The following MMS19 variants were observed in gnomAD, a reference collection of about 807,000 sequenced individuals.
MMS19 encodes the protein MMS19 nucleotide excision repair protein homolog.
In MMS19, 77 loss-of-function variants were observed where a neutral mutation model predicts 129.8. The ratio of observed to expected loss-of-function variants is 0.59; its 90% CI spans 0.49 to 0.72. The LOEUF (loss-of-function observed/expected upper bound fraction) is 0.72, where lower values mean the gene tolerates loss of function less well. Among genes scored for constraint, MMS19 ranks in the 30% least tolerant of loss-of-function variants. The pLI is 0.00. For missense variants in MMS19, 1,168 were observed against 1,266.3 expected (o/e 0.92, Z 1.18); for synonymous variants, 491 against 502.8 (o/e 0.98, Z 0.31).
chr10:97,498,466 T>C (rs3750558), upstream of MMS19: 56 of 1,521,610 alleles, frequency 3.7e-5, no homozygotes, highest in Admixed American at 8.1e-5. Flanking sequence ...CGAGCCAATC[T>C]CCGGGGAAGC....
chr10:97,498,381 C>A lies in MMS19; in HGVS notation c.4G>T (p.Ala2Ser), dbSNP rs2040209732. 2 of 1,580,406 alleles carry A rather than the reference C, an allele frequency of 1.3e-6. No individual in the cohort carries two copies. The highest frequency in any genetic ancestry group is 1.7e-6 in the Non-Finnish European group (2 of 1,171,046). Reference protein sequence around the residue: MAAAAAVEAAAP... With the variant: MSAAAAVEAAAP... ...GCCGCCTCCACAGCCGCGGCAGCGG[C>A]CATAACGCGAACTAGAGACCGTGGG... Residue 2 changes from alanine (A) to serine (S), a missense_variant, in exon 1 of 31, where the codon GCC becomes TCC. Around this residue, in one of 3 missense-constraint regions of MMS19, gnomAD observed 329 missense variants for 328.6 expected, o/e 1.00. Coordinates refer to ENST00000438925, the MANE Select transcript of MMS19 (RefSeq NM_022362.5).
chr10:97,498,454 C>T (rs2040227098), upstream of MMS19: 2 of 1,531,838 alleles, frequency 1.3e-6, no homozygotes, highest in African/African-American at 2.8e-5. Flanking sequence ...GCATGCGCCT[C>T]CCGAGCCAAT....
intron 1 of MMS19, among the ~76,000 whole-genome samples, chr10:97,486,113 T>A (rs912690401): frequency 6.6e-6 from 1 of 152,216 alleles, no homozygotes; most frequent in Non-Finnish European, 1.5e-5. Context: ...ATGTGACGTG[T>A]GTGTACACAT....
Position 97,470,204 on chromosome 10 carries a change from CTG to C in MMS19, c.772-3_772-2del, listed in dbSNP as rs747364250. On this transcript the variant is annotated splice_acceptor_variant and splice_polypyrimidine_tract_variant and intron_variant, in intron 9 of 30. Transcript: ENST00000438925. LOFTEE classifies it high-confidence loss of function. Reference sequence around the variant, plus strand: ...TCTCAATCAACAGGGGCAGCAGAAACTGTGGGACAGAAGGAAGATCTTAAGCC... The same window carrying C: ...TCTCAATCAACAGGGGCAGCAGAAACTGGGACAGAAGGAAGATCTTAAGCC... 5.0e-6 allele frequency: 8 copies of C among 1,602,940 alleles called. No individual in the cohort carries two copies. Among genetic ancestry groups the C allele is most frequent in the Non-Finnish European group, 6.0e-6 (7 of 1,174,256 alleles).
chr10:97,494,297 TGAG>T, intron 1 of MMS19, among the ~76,000 whole-genome samples: 1 of 152,204 alleles, frequency 6.6e-6, no homozygotes. Flanking sequence ...GTGGGGGCAC[TGAG>T]AAGTCAAAGG....
chr10:97,498,412 A>T lies in MMS19; in HGVS notation c.-28T>A. On this transcript the variant is annotated 5_prime_UTR_variant, in exon 1 of 31. Transcript: ENST00000438925. ...CGCGAACTAGAGACCGTGGGAGGGG[A>T]TATGGGCGGTGGCTCGAGACGGGCT... The T allele has an allele frequency of 1.3e-6, 2 of 1,574,208 alleles. No homozygotes were observed. The highest frequency in any genetic ancestry group is 1.7e-6 in the Non-Finnish European group (2 of 1,168,578).
In MMS19 at chr10:97,465,848, C is replaced by T. The variant is rs2033359023; in HGVS notation, c.1713G>A (p.Glu571=). ...GATGCTGCAGCAGCAGAGGCAGTGT[C>T]TCCTTGACGATGCTGGGATGTGTTG... is the stretch of plus-strand genomic sequence containing the variant. ...AVSTHPSIVK[E]TLPLLLQHLW... Residue 571 remains glutamate, a synonymous_variant, in exon 18 of 31, where the codon GAG becomes GAA. Coordinates refer to ENST00000438925, the MANE Select transcript of MMS19 (RefSeq NM_022362.5). 13 of 1,613,910 alleles carry T rather than the reference C, an allele frequency of 8.1e-6. No individual in the cohort carries two copies. The East Asian group carries it at 2.9e-4, about 36-fold the overall frequency.
At chr10:97,483,390 C>G (rs2135464217) in intron 2 of MMS19, among the ~76,000 whole-genome samples, 1 of 152,198 alleles carries the variant, frequency 6.6e-6, no homozygotes, top group South Asian at 2.1e-4. Context: ...ACCAAGGCCA[C>G]CACAATGTGA....
upstream of MMS19, chr10:97,498,735 G>A: frequency 3.0e-6 from 1 of 330,008 alleles, no homozygotes; most frequent in Non-Finnish European, 5.6e-6. Flanking sequence ...CCAGCCCTAG[G>A]GGGCGGTGCT....
intron 3 of MMS19, among the ~76,000 whole-genome samples, chr10:97,478,945 A>G (rs911532101): frequency 7.2e-5 from 11 of 152,276 alleles, no homozygotes; most frequent in African/African-American, 2.2e-4. Context: ...AACAGGCTGT[A>G]GGTTGGGCAT....
intron 14 of MMS19, 117 bp from the exon 15 acceptor site, chr10:97,467,018 G>C (rs2033644335): frequency 8.5e-7 from 1 of 1,169,778 alleles, no homozygotes; most frequent in Admixed American, 2.2e-5. Flanking sequence ...GGCCTCTGTT[G>C]CCCAGGCTGG....
intron 3 of MMS19, chr10:97,480,102 C>T (rs1415892444): frequency 2.8e-6 from 1 of 357,692 alleles, no homozygotes; most frequent in Admixed American, 3.9e-5. Context: ...TATCATGGTG[C>T]CCTGCATTTG....
chr10:97,470,919 G>A (rs1454135946), intron 8 of MMS19, 58 bp from the exon 9 acceptor site: 3 of 1,448,358 alleles, frequency 2.1e-6, no homozygotes, highest in South Asian at 2.4e-5. Context: ...CTTGAACACA[G>A]GCTCGAACCT....
Position 97,460,926 on chromosome 10 carries a change from GC to G in MMS19, c.2392del (p.Ala798ProfsTer8). 6.3e-7 allele frequency: 1 copy of G among 1,581,002 alleles called. No individual in the cohort carries two copies. The highest frequency in any genetic ancestry group is 8.6e-7 in the Non-Finnish European group (1 of 1,162,618). The stretch of plus-strand genomic sequence containing the variant: ...CCTTACCCAGAGAAGAAGAGTGAAG[GC>G]CTGACTACGACAGGGCCCAGAGCCC... ...GLGSGPCRSQ[A>X]FTLLLWVTKA... On this transcript the variant is annotated frameshift_variant, in exon 24 of 31. Coordinates refer to ENST00000438925, the MANE Select transcript of MMS19 (RefSeq NM_022362.5). LOFTEE classifies it high-confidence loss of function.
intron 1 of MMS19, among the ~76,000 whole-genome samples, chr10:97,485,172 A>G (rs898673543): frequency 6.6e-6 from 1 of 152,118 alleles, no homozygotes; most frequent in Non-Finnish European, 1.5e-5. Flanking sequence ...TTTGTCACCC[A>G]GGCTAGAGTG....
chr10:97,470,958 A>C, intron 8 of MMS19, 97 bp from the exon 9 acceptor site: 8 of 813,440 alleles, frequency 9.8e-6, no homozygotes, highest in Non-Finnish European at 1.3e-5. Context: ...GGTGATACTC[A>C]TACCCAATCA....
chr10:97,461,197 A>T, intron 23 of MMS19, 190 bp from the exon 24 acceptor site: 1 of 612,608 alleles, frequency 1.6e-6, no homozygotes, highest in African/African-American at 1.8e-5. Flanking sequence ...AGGTGCTGCC[A>T]TTTGAAAAGA....
chr10:97,480,041 C>T (rs1238986381), intron 3 of MMS19, among the ~76,000 whole-genome samples: 3 of 152,152 alleles, frequency 2.0e-5, no homozygotes, highest in African/African-American at 7.2e-5. Context: ...CTGCCCTTTC[C>T]CCACCTTCCT....
chr10:97,492,686 T>TA (rs1159316265), intron 1 of MMS19, among the ~76,000 whole-genome samples: 4,529 of 133,490 alleles, frequency 0.034, 161 homozygotes, highest in African/African-American at 0.096. Flanking sequence ...CTGTTTCTAC[T>TA]AAAAAAAAAA....
Sources: gnomAD v4.1 joint callset for allele counts (sites outside exome capture counted in the v4.1 genomes callset) on GRCh38, gnomAD v4.1.1 for gene constraint, gnomAD v4.1.1 regional missense constraint, MANE v1.5 for transcripts, NCBI Gene and HGNC (gene_info 2026-07-23, HGNC 2026-07-21) for gene names.